The following LOC128125818 variants were observed in gnomAD, a reference collection of about 807,000 sequenced individuals.
chr4:6,069,820 C>T, the LOC128125818 span, among the ~76,000 whole-genome samples: 1 of 151,858 alleles, frequency 6.6e-6, no homozygotes, highest in African/African-American at 2.4e-5. The surrounding 1 kb of genome is among the most constrained non-coding windows in gnomAD (Gnocchi z 4.5). Flanking sequence ...CCTCCATTTA[C>T]ACTTTGCATA....
At chr4:6,068,458 C>G in the LOC128125818 span, among the ~76,000 whole-genome samples, 3 of 152,138 alleles carry the variant, frequency 2.0e-5, no homozygotes, top group Non-Finnish European at 1.5e-5. Context: ...GAGGAATCCA[C>G]AGCCAGGCAC....
chr4:6,069,887 C>T, the LOC128125818 span, among the ~76,000 whole-genome samples: 1 of 151,476 alleles, frequency 6.6e-6, no homozygotes, highest in African/African-American at 2.4e-5. This position sits in a 1 kb window ranked among gnomAD's most constrained non-coding sequence, Gnocchi z 4.5. Context: ...AGAGGAGGTA[C>T]CCCCAAAACA....
At chr4:6,070,014 G>A in the LOC128125818 span, 67 of 398,386 alleles carry the variant, frequency 1.7e-4, no homozygotes, top group African/African-American at 8.4e-4. Context: ...GCCAGGGACC[G>A]CCAGAGAACC....
chr4:6,065,070 CT>C, the LOC128125818 span: 1 of 1,605,070 alleles, frequency 6.2e-7, no homozygotes, highest in Non-Finnish European at 8.5e-7. The surrounding 1 kb of genome is among the most constrained non-coding windows in gnomAD (Gnocchi z 5.1). Flanking sequence ...CTACCAGTCC[CT>C]GGTCGTGGGC....
chr4:6,068,111 G>C, the LOC128125818 span, among the ~76,000 whole-genome samples: 1 of 152,212 alleles, frequency 6.6e-6, no homozygotes, highest in African/African-American at 2.4e-5. Flanking sequence ...TGAAGGCTCT[G>C]CAGGACTACC....
the LOC128125818 span, among the ~76,000 whole-genome samples, chr4:6,069,791 A>G: frequency 6.6e-6 from 1 of 151,962 alleles, no homozygotes; most frequent in Non-Finnish European, 1.5e-5. The surrounding 1 kb of genome is among the most constrained non-coding windows in gnomAD (Gnocchi z 4.5). Context: ...GGCAAAATGA[A>G]TGAAGAGTAA....
the LOC128125818 span, among the ~76,000 whole-genome samples, chr4:6,068,861 T>G: frequency 2.6e-5 from 4 of 152,342 alleles, no homozygotes; most frequent in African/African-American, 9.6e-5. Context: ...TGAGCCATCA[T>G]GCCCAGCCTT....
the LOC128125818 span, among the ~76,000 whole-genome samples, chr4:6,066,609 C>T: frequency 6.6e-6 from 1 of 152,118 alleles, no homozygotes; most frequent in Non-Finnish European, 1.5e-5. Context: ...GCAGCTCATG[C>T]TTCAGTTGCC....
the LOC128125818 span, among the ~76,000 whole-genome samples, chr4:6,068,721 C>T: frequency 1.3e-5 from 2 of 152,040 alleles, no homozygotes; most frequent in South Asian, 4.2e-4. Context: ...CCACATCTGG[C>T]TAATTTTTGT....
At chr4:6,067,128 A>C in the LOC128125818 span, among the ~76,000 whole-genome samples, 3 of 152,128 alleles carry the variant, frequency 2.0e-5, no homozygotes, top group African/African-American at 7.2e-5. This position sits in a 1 kb window ranked among gnomAD's most constrained non-coding sequence, Gnocchi z 4.6. Flanking sequence ...CGCTGACGTA[A>C]GATCTGGCAA....
At chr4:6,066,438 C>T in the LOC128125818 span, among the ~76,000 whole-genome samples, 1 of 152,162 alleles carries the variant, frequency 6.6e-6, no homozygotes, top group Non-Finnish European at 1.5e-5. Flanking sequence ...TCACCCCTCC[C>T]ACATTCCTCC....
At chr4:6,069,610 G>C in the LOC128125818 span, among the ~76,000 whole-genome samples, 6 of 152,102 alleles carry the variant, frequency 3.9e-5, no homozygotes, top group Non-Finnish European at 5.9e-5. The surrounding 1 kb of genome is among the most constrained non-coding windows in gnomAD (Gnocchi z 4.5). Flanking sequence ...AAAGTTAGCC[G>C]AGTATGGTGG....
the LOC128125818 span, among the ~76,000 whole-genome samples, chr4:6,065,730 G>T: frequency 6.6e-6 from 1 of 152,222 alleles, no homozygotes; most frequent in African/African-American, 2.4e-5. This position sits in a 1 kb window ranked among gnomAD's most constrained non-coding sequence, Gnocchi z 5.1. Context: ...CTATGTGACG[G>T]CCTCTGAGTT....
chr4:6,065,125 G>A, the LOC128125818 span: 3 of 1,288,898 alleles, frequency 2.3e-6, no homozygotes, highest in African/African-American at 2.9e-5. The surrounding 1 kb of genome is among the most constrained non-coding windows in gnomAD (Gnocchi z 5.1). Flanking sequence ...GGCCACTGGG[G>A]CATCACAAGA....
chr4:6,067,997 C>G, the LOC128125818 span, among the ~76,000 whole-genome samples: 6 of 152,332 alleles, frequency 3.9e-5, no homozygotes, highest in African/African-American at 1.4e-4. The surrounding 1 kb of genome is among the most constrained non-coding windows in gnomAD (Gnocchi z 4.6). Flanking sequence ...TACACACTTT[C>G]CAAACATTTA....
At chr4:6,067,561 G>A in the LOC128125818 span, among the ~76,000 whole-genome samples, 35 of 145,508 alleles carry the variant, frequency 2.4e-4, no homozygotes, top group African/African-American at 7.9e-4. The surrounding 1 kb of genome is among the most constrained non-coding windows in gnomAD (Gnocchi z 4.6). Context: ...TGGCACCCAC[G>A]GGAGTGATGC....
the LOC128125818 span, among the ~76,000 whole-genome samples, chr4:6,068,374 G>A: frequency 6.6e-6 from 1 of 152,096 alleles, no homozygotes; most frequent in South Asian, 2.1e-4. Flanking sequence ...CTGCTTTGAG[G>A]GAAAGAGGAA....
At chr4:6,066,680 G>GGA in the LOC128125818 span, among the ~76,000 whole-genome samples, 22,830 of 151,684 alleles carry the variant, frequency 0.15, 2,267 homozygotes, top group African/African-American at 0.28. Context: ...GCCCTCCCTG[G>GGA]GAGAAACCCT....
chr4:6,069,850 A>T, the LOC128125818 span, among the ~76,000 whole-genome samples: 2 of 152,130 alleles, frequency 1.3e-5, no homozygotes, highest in Non-Finnish European at 2.9e-5. The surrounding 1 kb of genome is among the most constrained non-coding windows in gnomAD (Gnocchi z 4.5). Flanking sequence ...GCTCTTCCTC[A>T]GCGGGTCAGA....
Sources: gnomAD v4.1 joint callset for allele counts (sites outside exome capture counted in the v4.1 genomes callset) on GRCh38, gnomAD v4.1.1 for gene constraint, Gnocchi (gnomAD v3.1) non-coding constraint, MANE v1.5 for transcripts.